The following BCAS3 variants were observed in gnomAD, a reference collection of about 807,000 sequenced individuals.
BCAS3 encodes the protein BCAS3 microtubule associated cell migration factor.
A neutral mutation model predicts 116.1 loss-of-function variants in BCAS3; 53 were observed. The observed-to-expected ratio is 0.46, with a 90% CI of 0.37 to 0.57. The LOEUF (loss-of-function observed/expected upper bound fraction) is 0.57, where lower values mean the gene tolerates loss of function less well. Ranked by LOEUF, BCAS3 falls within the 20% of genes least tolerant of loss-of-function variation. The pLI is 0.00. For missense variants in BCAS3, 917 were observed against 1,165.4 expected (o/e 0.79, Z 3.10); for synonymous variants, 391 against 408.2 (o/e 0.96, Z 0.51).
chr17:60,835,565 TATTAAAG>T (rs202205783), intron 7 of BCAS3, among the ~76,000 whole-genome samples: 1,656 of 152,224 alleles, frequency 0.011, 41 homozygotes, highest in African/African-American at 0.037. Flanking sequence ...TATTGCTGAA[TATTAAAG>T]ATTAAAGTGT....
chr17:61,051,901 T>C lies in BCAS3; in HGVS notation c.2029+11009T>C, dbSNP rs2068890728. Among the ~76,000 whole-genome samples the C allele has an allele frequency of 6.6e-6, 1 of 151,960 alleles. No individual in the cohort carries two copies. The highest frequency in any genetic ancestry group is 1.5e-5 in the Non-Finnish European group (1 of 68,012). On this transcript the variant is annotated intron_variant, in intron 19 of 23. Transcript: ENST00000407086. This position sits in a 1 kb window ranked among gnomAD's most constrained non-coding sequence, Gnocchi z 4.1. ...GAAATCAATGACCTCAGCTTCCACA[T>C]TGAGAAACTAGACAAAGTAGAGGAA...
chr17:60,857,900 C>T (rs955619706), intron 7 of BCAS3, among the ~76,000 whole-genome samples: 3 of 151,988 alleles, frequency 2.0e-5, no homozygotes, highest in Admixed American at 2.0e-4. Flanking sequence ...ACTGAGCTTT[C>T]GTAACATTTG....
rs1343177091 is a variant in BCAS3 at position 61,388,662 on chromosome 17, C to T, written c.2594-3315C>T. The T allele has an allele frequency of 5.8e-6, 9 of 1,547,088 alleles. No homozygotes were observed. Among genetic ancestry groups the T allele is most frequent in the Middle Eastern group, 1.7e-4 (1 of 6,024 alleles). On this transcript the variant is annotated intron_variant, in intron 23 of 23. Coordinates refer to ENST00000407086, the MANE Select transcript of BCAS3 (RefSeq NM_017679.5). This position sits in a 1 kb window ranked among gnomAD's most constrained non-coding sequence, Gnocchi z 6.5. ...AAAACAATGCCAACAGCCCAGCGTCCGTGAGCAACCCAACAGTAACAAAGC... is the reference window on the plus strand; with the variant it reads ...AAAACAATGCCAACAGCCCAGCGTCTGTGAGCAACCCAACAGTAACAAAGC...
rs529341552 is a variant in BCAS3, at chr17:61,344,910, C to T, written c.2426-23417C>T. ...GACAGGTATTTTATGATTCCTGGAT[C>T]GGAAATACACACACACACACACATA... On this transcript the variant is annotated intron_variant, in intron 22 of 23. Transcript: ENST00000407086. The surrounding 1 kb of genome is among the most constrained non-coding windows in gnomAD (Gnocchi z 4.1). Among the ~76,000 whole-genome samples the T allele has an allele frequency of 6.0e-5, 9 of 150,998 alleles. No homozygotes were observed. The East Asian group carries it at 1.4e-3, about 23-fold the overall frequency.
rs1437157749 is a variant in BCAS3, at chr17:61,350,636, T to C, written c.2426-17691T>C. ...TACACAATGGAATATTATTCAGTCT[T>C]TTTTTTTTTTTTTTGAGACAGAGTC... On this transcript the variant is annotated intron_variant, in intron 22 of 23. Coordinates refer to ENST00000407086, the MANE Select transcript of BCAS3 (RefSeq NM_017679.5). Among the ~76,000 whole-genome samples, 7 of 7,330 alleles carry C rather than the reference T, an allele frequency of 9.5e-4. No individual in the cohort carries two copies. In the Admixed American group the frequency reaches 0.041, roughly 43 times the overall value. The allele number at this position is 7,330 out of a possible 152,430, so 4.8% of individuals were successfully genotyped here. A position where few individuals can be genotyped will look rare whatever the true frequency, so the allele number is the denominator to read the frequency against.
chr17:60,722,075 C>T (rs2144099732), intron 5 of BCAS3, among the ~76,000 whole-genome samples: 1 of 152,212 alleles, frequency 6.6e-6, no homozygotes, highest in East Asian at 1.9e-4. Flanking sequence ...CATATGAATA[C>T]AATAAATTTT....
chr17:61,044,465 A>AATAT lies in BCAS3; in HGVS notation c.2029+3584_2029+3587dup, dbSNP rs1555683922. On this transcript the variant is annotated intron_variant, in intron 19 of 23. Coordinates refer to ENST00000407086, the MANE Select transcript of BCAS3 (RefSeq NM_017679.5). The stretch of plus-strand genomic sequence containing the variant: ...CTGTCTCAAAAAAAAAAAAAAAAAA[A>AATAT]ATATATATATATATGCCATAAGAAC... Among the ~76,000 whole-genome samples the AATAT allele has an allele frequency of 5.9e-4, 71 of 120,102 alleles. 1 individual carries two copies. Among genetic ancestry groups the AATAT allele is most frequent in the Middle Eastern group, 4.2e-3 (1 of 238 alleles). 78.8% of individuals were successfully genotyped at this position (120,102 alleles called of 152,430 possible).
rs141718091 is a variant in BCAS3, at chr17:61,023,944, G to A, written c.1637+8043G>A. 1.5e-4 allele frequency among the ~76,000 whole-genome samples: 23 copies of A among 152,184 alleles called. No individual in the cohort carries two copies. The East Asian group carries it at 4.2e-3, about 28-fold the overall frequency. On this transcript the variant is annotated intron_variant, in intron 16 of 23. Transcript: ENST00000407086. This position sits in a 1 kb window ranked among gnomAD's most constrained non-coding sequence, Gnocchi z 4.8. ...GGTGATTGGAAAACACCAATTATTC[G>A]AGTTTGAATATAGTAATTTGGGTTG...
rs1178915246 is a variant in BCAS3 at position 61,217,945 on chromosome 17, G to A, written c.2425+133381G>A. Among the ~76,000 whole-genome samples the A allele has an allele frequency of 1.3e-5, 2 of 152,204 alleles. No homozygotes were observed. The highest frequency in any genetic ancestry group is 2.9e-5 in the Non-Finnish European group (2 of 68,040). On this transcript the variant is annotated intron_variant, in intron 22 of 23. Coordinates refer to ENST00000407086, the MANE Select transcript of BCAS3 (RefSeq NM_017679.5). The surrounding 1 kb of genome is among the most constrained non-coding windows in gnomAD (Gnocchi z 5.2). Reference sequence around the variant, plus strand: ...CTTTTGAATGAGTTCTGTTACAACAGATCACTGATAATTTAGTGGACTGGT... The same window carrying A: ...CTTTTGAATGAGTTCTGTTACAACAAATCACTGATAATTTAGTGGACTGGT...
At chr17:61,173,681 C>A (rs1229171370) in intron 22 of BCAS3, among the ~76,000 whole-genome samples, 1 of 151,886 alleles carries the variant, frequency 6.6e-6, no homozygotes, top group African/African-American at 2.4e-5. Context: ...GAGTTTGAGA[C>A]CAGCTTGGGC....
At chr17:61,191,564 A>G (rs2080117443) in intron 22 of BCAS3, among the ~76,000 whole-genome samples, 1 of 151,856 alleles carries the variant, frequency 6.6e-6, no homozygotes, top group African/African-American at 2.4e-5. Context: ...TCACGAGGTC[A>G]GGAGATTGAG....
intron 22 of BCAS3, among the ~76,000 whole-genome samples, chr17:61,247,644 C>T (rs912089824): frequency 1.1e-4 from 17 of 152,182 alleles, no homozygotes; most frequent in African/African-American, 3.6e-4. Context: ...TATTGCCGAC[C>T]ACAGCTGCTC....
chr17:61,161,100 A>T lies in BCAS3; in HGVS notation c.2425+76536A>T, dbSNP rs772200665. Among the ~76,000 whole-genome samples the T allele has an allele frequency of 3.9e-5, 6 of 152,226 alleles. No individual in the cohort carries two copies. The highest frequency in any genetic ancestry group is 5.9e-5 in the Non-Finnish European group (4 of 68,044). ...GATGAAGGATAGCATGTCTGAAAAA[A>T]GCTAACATAAAAGTCTCAATTAGGT... On this transcript the variant is annotated intron_variant, in intron 22 of 23. Coordinates refer to ENST00000407086, the MANE Select transcript of BCAS3 (RefSeq NM_017679.5). This position sits in a 1 kb window ranked among gnomAD's most constrained non-coding sequence, Gnocchi z 4.8.
chr17:60,939,520 A>G (rs2060116691), intron 13 of BCAS3, among the ~76,000 whole-genome samples: 1 of 152,252 alleles, frequency 6.6e-6, no homozygotes, highest in African/African-American at 2.4e-5. Context: ...CTAGTCAGCA[A>G]TATAAATCAA....
chr17:61,234,604 G>A (rs2082883266), intron 22 of BCAS3, among the ~76,000 whole-genome samples: 1 of 152,068 alleles, frequency 6.6e-6, no homozygotes, highest in Non-Finnish European at 1.5e-5. Flanking sequence ...GCTAGAAGCA[G>A]ATTAACACCT....
In BCAS3 at chr17:60,984,245, C is replaced by T. The variant is rs1011545778; in HGVS notation, c.1222-5726C>T. ...AGCAATGAAGTATCTTGTCTTGATA[C>T]ATAAGACTAAAATTTCTTTTTTATT... On this transcript the variant is annotated intron_variant, in intron 14 of 23. Coordinates refer to ENST00000407086, the MANE Select transcript of BCAS3 (RefSeq NM_017679.5). Among the ~76,000 whole-genome samples the T allele has an allele frequency of 7.9e-5, 12 of 152,276 alleles. No homozygotes were observed. In the South Asian group the frequency reaches 2.1e-3, roughly 26 times the overall value.
Position 61,325,785 on chromosome 17 carries a change from G to A in BCAS3, c.2426-42542G>A, listed in dbSNP as rs899704976. Among the ~76,000 whole-genome samples, 10 of 152,244 alleles carry A rather than the reference G, an allele frequency of 6.6e-5. No homozygotes were observed. The South Asian group carries it at 1.0e-3, about 16-fold the overall frequency. On this transcript the variant is annotated intron_variant, in intron 22 of 23. Transcript: ENST00000407086. This position sits in a 1 kb window ranked among gnomAD's most constrained non-coding sequence, Gnocchi z 6.4. Reference sequence around the variant, plus strand: ...TTAGGGAGGTGTTTTTGAAATGAGTGTCTCCATTTTTCCTGGTCTTGGTGG... The same window carrying A: ...TTAGGGAGGTGTTTTTGAAATGAGTATCTCCATTTTTCCTGGTCTTGGTGG...
At chr17:60,941,131 A>T (rs116507301) in intron 13 of BCAS3, among the ~76,000 whole-genome samples, 1,778 of 152,306 alleles carry the variant, frequency 0.012, 35 homozygotes, top group African/African-American at 0.039. Flanking sequence ...CTTGAGGCTA[A>T]GAGTGAGGGA....
chr17:61,207,731 G>A (rs2081225954), intron 22 of BCAS3, among the ~76,000 whole-genome samples: 1 of 152,056 alleles, frequency 6.6e-6, no homozygotes, highest in Non-Finnish European at 1.5e-5. Flanking sequence ...TGTTGCTTTA[G>A]AATCCAGAGG....
Sources: gnomAD v4.1 joint callset for allele counts (sites outside exome capture counted in the v4.1 genomes callset) on GRCh38, gnomAD v4.1.1 for gene constraint, Gnocchi (gnomAD v3.1) non-coding constraint, MANE v1.5 for transcripts, NCBI Gene and HGNC (gene_info 2026-07-23, HGNC 2026-07-21) for gene names.